The following LHFPL3 variants were observed in gnomAD, a reference collection of about 807,000 sequenced individuals.
The protein encoded by LHFPL3 is LHFPL tetraspan subfamily member 3, also known as LHFPL tetraspan subfamily member 3 protein.
LHFPL3 carries 5 observed loss-of-function variants against 19.3 expected under a neutral mutation model. The observed-to-expected ratio is 0.26, with a 90% CI of 0.14 to 0.54. LHFPL3 has a LOEUF of 0.54. Among genes scored for constraint, LHFPL3 ranks in the 20% least tolerant of loss-of-function variants. LHFPL3 has a pLI of 0.94. For missense variants in LHFPL3, 249 were observed against 307.4 expected (o/e 0.81, Z 1.42); for synonymous variants, 133 against 126.2 (o/e 1.05, Z -0.36).
intron 2 of LHFPL3, among the ~76,000 whole-genome samples, chr7:104,801,090 AG>A (rs1181006764): frequency 1.6e-4 from 25 of 152,352 alleles, no homozygotes; most frequent in Middle Eastern, 3.4e-3. Flanking sequence ...GCTTATCCCA[AG>A]GGGGAACAGA....
At chr7:104,622,079 G>T (rs1305941943) in intron 1 of LHFPL3, among the ~76,000 whole-genome samples, 1 of 152,112 alleles carries the variant, frequency 6.6e-6, no homozygotes, top group African/African-American at 2.4e-5. Context: ...AAAGTTGGCT[G>T]CAACAATATC....
At chr7:104,642,595 A>G (rs983563329) in intron 1 of LHFPL3, among the ~76,000 whole-genome samples, 2 of 152,140 alleles carry the variant, frequency 1.3e-5, no homozygotes, top group African/African-American at 4.8e-5. Context: ...CTCACTTGGG[A>G]ATTTTTTCTC....
intron 1 of LHFPL3, among the ~76,000 whole-genome samples, chr7:104,509,641 A>G (rs976666443): frequency 3.3e-5 from 5 of 152,110 alleles, no homozygotes; most frequent in Non-Finnish European, 7.4e-5. Context: ...ACATAATGGT[A>G]AAAAATTAAA....
chr7:104,543,451 A>G (rs1794525760), intron 1 of LHFPL3, among the ~76,000 whole-genome samples: 1 of 152,028 alleles, frequency 6.6e-6, no homozygotes, highest in African/African-American at 2.4e-5. Flanking sequence ...GCTGCTATAA[A>G]GACACATGCA....
At chr7:104,409,762 T>C (rs1217499124) in intron 1 of LHFPL3, among the ~76,000 whole-genome samples, 1 of 152,230 alleles carries the variant, frequency 6.6e-6, no homozygotes, top group Non-Finnish European at 1.5e-5. Context: ...AACTTAAACA[T>C]GGGACAAATG....
intron 1 of LHFPL3, among the ~76,000 whole-genome samples, chr7:104,643,610 T>C (rs1442336317): frequency 6.6e-6 from 1 of 152,166 alleles, no homozygotes; most frequent in Non-Finnish European, 1.5e-5. Context: ...AGATTAACCC[T>C]GGCTGTGCAC....
intron 1 of LHFPL3, among the ~76,000 whole-genome samples, chr7:104,529,174 GA>G (rs1434817512): frequency 6.6e-6 from 1 of 152,134 alleles, no homozygotes; most frequent in African/African-American, 2.4e-5. Context: ...CTGAACCAAT[GA>G]CTATGGTCAG....
At chr7:104,595,620 C>A (rs1239135201) in intron 1 of LHFPL3, among the ~76,000 whole-genome samples, 1 of 152,262 alleles carries the variant, frequency 6.6e-6, no homozygotes, top group East Asian at 1.9e-4. Context: ...ATGTTTAAGT[C>A]TGCAGAAGTT....
At chr7:104,591,031 G>A (rs567924213) in intron 1 of LHFPL3, among the ~76,000 whole-genome samples, 6 of 152,226 alleles carry the variant, frequency 3.9e-5, no homozygotes, top group Admixed American at 6.5e-5. Context: ...TGGGTCTCCC[G>A]AATAGAGCAC....
Position 104,329,325 on chromosome 7 carries a change from G to A in LHFPL3, c.445+101G>A, listed in dbSNP as rs762208645. On this transcript the variant is annotated intron_variant, in intron 1 of 2. Coordinates refer to ENST00000424859, the MANE Select transcript of LHFPL3 (RefSeq NM_199000.3). The stretch of plus-strand genomic sequence containing the variant: ...ACGGGGGCTGTGCGCGCCGCTGCGA[G>A]CCAAGCCGCCTAATCCGCTCAGGCG... The A allele has an allele frequency of 1.6e-4, 226 of 1,425,332 alleles. 1 individual carries two copies. Among genetic ancestry groups the A allele is most frequent in the Non-Finnish European group, 1.9e-4 (203 of 1,067,590 alleles). 88.3% of individuals were successfully genotyped at this position (1,425,332 alleles called of 1,614,324 possible).
intron 1 of LHFPL3, among the ~76,000 whole-genome samples, chr7:104,624,010 G>A (rs1791499568): frequency 6.6e-6 from 1 of 152,226 alleles, no homozygotes; most frequent in Admixed American, 6.5e-5. Context: ...AAGCGACAGT[G>A]TCTAGTTCAG....
intron 2 of LHFPL3, among the ~76,000 whole-genome samples, chr7:104,740,580 G>C (rs1265226736): frequency 1.3e-5 from 2 of 152,174 alleles, no homozygotes; most frequent in Admixed American, 6.5e-5. Flanking sequence ...ACATGGCTGG[G>C]GAGGTCTCAC....
chr7:104,495,310 T>A (rs1480796279), intron 1 of LHFPL3, among the ~76,000 whole-genome samples: 1 of 152,128 alleles, frequency 6.6e-6, no homozygotes, highest in African/African-American at 2.4e-5. Flanking sequence ...TGTGCTGAAG[T>A]GATCCTCTCA....
At chr7:104,469,783 T>C (rs1792870430) in intron 1 of LHFPL3, among the ~76,000 whole-genome samples, 1 of 152,178 alleles carries the variant, frequency 6.6e-6, no homozygotes, top group Non-Finnish European at 1.5e-5. Context: ...CTTGAATCCA[T>C]GTAGCATTAT....
At chr7:104,876,394 A>G (rs1392818356) in intron 2 of LHFPL3, among the ~76,000 whole-genome samples, 1 of 152,362 alleles carries the variant, frequency 6.6e-6, no homozygotes, top group Non-Finnish European at 1.5e-5. Context: ...ACAAAGGCCT[A>G]ATATCCAGAA....
intron 1 of LHFPL3, among the ~76,000 whole-genome samples, chr7:104,420,753 G>A (rs1432558639): frequency 6.6e-6 from 1 of 151,908 alleles, no homozygotes. Flanking sequence ...TAGTAGAGAC[G>A]GGGTTTCACC....
rs902414257 is a variant in LHFPL3, at chr7:104,453,510, A to G, written c.445+124286A>G. Among the ~76,000 whole-genome samples the G allele has an allele frequency of 2.0e-5, 3 of 152,176 alleles. No homozygotes were observed. In the East Asian group the frequency reaches 5.8e-4, roughly 29 times the overall value. ...GACATTCCTGGGTTGTAGAAAATTT[A>G]CGTCTTAAAGGAGCAAAAAGAACTT... On this transcript the variant is annotated intron_variant, in intron 1 of 2. Transcript: ENST00000424859.
intron 2 of LHFPL3, among the ~76,000 whole-genome samples, chr7:104,840,313 T>TTC (rs1419562428): frequency 1.4e-5 from 2 of 146,212 alleles, no homozygotes; most frequent in Non-Finnish European, 3.0e-5. Flanking sequence ...GTTTTCTTTT[T>TTC]TTTTTTTTTT....
chr7:104,400,936 A>G (rs1162004054), intron 1 of LHFPL3, among the ~76,000 whole-genome samples: 1 of 152,238 alleles, frequency 6.6e-6, no homozygotes, highest in African/African-American at 2.4e-5. Context: ...GTGCCTCATT[A>G]CATTGTAGGA....
Sources: allele counts gnomAD v4.1 joint callset (sites outside exome capture counted in the v4.1 genomes callset), GRCh38; gene constraint gnomAD v4.1.1; transcripts MANE v1.5; gene names NCBI Gene and HGNC (gene_info 2026-07-23, HGNC 2026-07-21).